CDK5RAP1: variants seen among roughly 807,000 people sequenced by gnomAD.
CDK5RAP1 encodes mitochondrial tRNA methylthiotransferase CDK5RAP1.
In CDK5RAP1, 62 loss-of-function variants were observed where a neutral mutation model predicts 64.5. The observed-to-expected ratio is 0.96, with a 90% CI of 0.78 to 1.19. The LOEUF (loss-of-function observed/expected upper bound fraction) is 1.19, where lower values mean the gene tolerates loss of function less well. Among genes scored for constraint, CDK5RAP1 ranks in the 50% most tolerant of loss-of-function variants. The pLI is 0.00. For missense variants in CDK5RAP1, 657 were observed against 735.0 expected (o/e 0.89, Z 1.23); for synonymous variants, 250 against 261.9 (o/e 0.95, Z 0.44).
chr20:33,400,019 G>A (rs1036920405), intron 1 of CDK5RAP1, among the ~76,000 whole-genome samples: 1 of 152,120 alleles, frequency 6.6e-6, no homozygotes, highest in African/African-American at 2.4e-5. Flanking sequence ...ACTCCAGCCT[G>A]GGCAACAGAG....
intron 11 of CDK5RAP1, among the ~76,000 whole-genome samples, chr20:33,369,861 G>T (rs925140757): frequency 3.9e-5 from 6 of 152,206 alleles, no homozygotes; most frequent in Non-Finnish European, 5.9e-5. Context: ...GCCACAGGGG[G>T]CCTTCAACCT....
chr20:33,368,023 C>T (rs2146600835), intron 11 of CDK5RAP1, among the ~76,000 whole-genome samples: 2 of 152,318 alleles, frequency 1.3e-5, no homozygotes, highest in Middle Eastern at 3.4e-3. Context: ...GCATGAAACA[C>T]AATTATAACT....
chr20:33,367,948 CAG>C (rs1264797053), intron 11 of CDK5RAP1, among the ~76,000 whole-genome samples: 5 of 152,210 alleles, frequency 3.3e-5, no homozygotes, highest in African/African-American at 9.7e-5. Context: ...AAAAATATTG[CAG>C]AGTTTACTCC....
At chr20:33,369,386 G>C (rs773284916) in intron 11 of CDK5RAP1, among the ~76,000 whole-genome samples, 4 of 151,940 alleles carry the variant, frequency 2.6e-5, no homozygotes, top group Non-Finnish European at 4.4e-5. Context: ...GGGAGGCTGA[G>C]GCAGGAGAAT....
intron 9 of CDK5RAP1, 133 bp from the exon 10 acceptor site, chr20:33,372,830 A>C: frequency 1.7e-6 from 1 of 592,018 alleles, no homozygotes; most frequent in East Asian, 3.0e-5. Flanking sequence ...GAGTAAATTA[A>C]AGTATCCAAA....
At chr20:33,366,690 T>C (rs1984022186) in intron 12 of CDK5RAP1, among the ~76,000 whole-genome samples, 169 bp downstream of exon 12, 1 of 151,886 alleles carries the variant, frequency 6.6e-6, no homozygotes, top group African/African-American at 2.4e-5. Flanking sequence ...ACAAAAACTT[T>C]GATTTAAAAC....
intron 12 of CDK5RAP1, 132 bp downstream of exon 12, chr20:33,366,727 G>A (rs1984026955): frequency 1.3e-6 from 1 of 745,362 alleles, no homozygotes; most frequent in South Asian, 2.4e-5. Flanking sequence ...ACCTACTTGG[G>A]AGGCTGAGGC....
chr20:33,372,669 C>T lies in CDK5RAP1; in HGVS notation c.1234G>A (p.Val412Ile), dbSNP rs1985253530. Residue 412 changes from valine to isoleucine, a missense_variant, in exon 10 of 14, where the codon GTT (valine) becomes ATT (isoleucine). Transcript: ENST00000346416. ...GGAATAGATTCTCTAATATGGTGAACTAACTCCACATAAGCTTCTCTTGAA... is the reference window on the plus strand; with the variant it reads ...GGAATAGATTCTCTAATATGGTGAATTAACTCCACATAAGCTTCTCTTGAA... ...GYSREAYVEL[V>I]HHIRESIPGV... is the part of the protein sequence containing the mutation. 1 of 1,576,028 alleles carries T rather than the reference C, an allele frequency of 6.3e-7. No homozygotes were observed. The highest frequency in any genetic ancestry group is 8.6e-7 in the Non-Finnish European group (1 of 1,164,488).
chr20:33,375,591 CTT>C (rs779992997), intron 8 of CDK5RAP1, among the ~76,000 whole-genome samples: 8 of 151,944 alleles, frequency 5.3e-5, no homozygotes, highest in Non-Finnish European at 7.4e-5. Context: ...AAAAGAAAGA[CTT>C]TTCACTGAAA....
chr20:33,389,940 T>TTC (rs1221354942), intron 5 of CDK5RAP1, among the ~76,000 whole-genome samples: 1 of 151,384 alleles, frequency 6.6e-6, no homozygotes, highest in South Asian at 2.1e-4. Context: ...CAATGGAATT[T>TTC]TTTTTTTTTT....
intron 10 of CDK5RAP1, 40 bp downstream of exon 10, chr20:33,372,602 T>C (rs1985240724): frequency 8.6e-7 from 1 of 1,160,088 alleles, no homozygotes; most frequent in South Asian, 1.7e-5. Context: ...TGGTCACTGG[T>C]AGAGTAACAT....
intron 8 of CDK5RAP1, among the ~76,000 whole-genome samples, chr20:33,374,501 G>A (rs1985656973): frequency 6.6e-6 from 1 of 151,884 alleles, no homozygotes; most frequent in South Asian, 2.1e-4. Flanking sequence ...CTGACACTAG[G>A]GTCAGCAGGC....
At chr20:33,361,494 C>T (rs1396355642) in intron 12 of CDK5RAP1, among the ~76,000 whole-genome samples, 2 of 152,100 alleles carry the variant, frequency 1.3e-5, no homozygotes, top group African/African-American at 4.8e-5. Context: ...CCAGAACTCA[C>T]ATGTGGCCTG....
intron 11 of CDK5RAP1, 122 bp from the exon 12 acceptor site, chr20:33,367,130 C>T: frequency 1.1e-6 from 1 of 907,666 alleles, no homozygotes; most frequent in East Asian, 2.7e-5. Flanking sequence ...TGTACAGAAA[C>T]CCAAGCCAGA....
intron 3 of CDK5RAP1, among the ~76,000 whole-genome samples, chr20:33,394,595 C>T (rs1988705403): frequency 6.6e-6 from 1 of 151,968 alleles, no homozygotes; most frequent in Non-Finnish European, 1.5e-5. Flanking sequence ...AATCCTCCTG[C>T]CTTGGCCTCC....
chr20:33,359,580 C>G (rs1178884005), intron 13 of CDK5RAP1: 1 of 164,164 alleles, frequency 6.1e-6, no homozygotes, highest in Non-Finnish European at 1.3e-5. Context: ...AAGAGCAAGT[C>G]AGTCCATTAG....
intron 12 of CDK5RAP1, among the ~76,000 whole-genome samples, chr20:33,363,600 T>A (rs545260556): frequency 1.8e-3 from 278 of 152,032 alleles, no homozygotes; most frequent in South Asian, 5.0e-3. Context: ...ATTTTTTTTT[T>A]AAAAAAAGAG....
intron 2 of CDK5RAP1, 22 bp from the exon 3 acceptor site, chr20:33,395,138 A>T (rs763215291): frequency 4.3e-6 from 6 of 1,402,578 alleles, no homozygotes; most frequent in Non-Finnish European, 6.1e-6. Flanking sequence ...GGTTGGGGGG[A>T]ATCCATGGTA....
chr20:33,384,152 C>T (rs1987126656), intron 7 of CDK5RAP1, among the ~76,000 whole-genome samples: 1 of 151,910 alleles, frequency 6.6e-6, no homozygotes. Context: ...CAACTGTAGT[C>T]TAAAAAATCT....
Sources: allele counts gnomAD v4.1 joint callset (sites outside exome capture counted in the v4.1 genomes callset), GRCh38; gene constraint gnomAD v4.1.1; transcripts MANE v1.5; gene names NCBI Gene and HGNC (gene_info 2026-07-23, HGNC 2026-07-21).